FADS2: variants seen among roughly 807,000 people sequenced by gnomAD.
FADS2 encodes acyl-CoA 6-desaturase.
In FADS2, 18 loss-of-function variants were observed where a neutral mutation model predicts 61.2. The ratio of observed to expected loss-of-function variants is 0.29; its 90% confidence interval spans 0.20 to 0.44. The LOEUF (loss-of-function observed/expected upper bound fraction) is 0.44, where lower values mean the gene tolerates loss of function less well. FADS2 is among the 20% of genes least tolerant of loss of function. The pLI is 1.00. For synonymous variants in FADS2, 203 were observed against 223.9 expected (o/e 0.91, Z 0.83); for missense variants, 322 against 572.7 (o/e 0.56, Z 4.47).
intron 9 of FADS2, 147 bp from the exon 10 acceptor site, chr11:61,863,560 G>T (rs1432586725): frequency 2.6e-6 from 2 of 762,470 alleles, no homozygotes; most frequent in East Asian, 5.3e-5. Flanking sequence ...GACAGGTGGG[G>T]CATCTGGGTG....
intron 5 of FADS2, 91 bp downstream of exon 5, chr11:61,848,375 C>T: frequency 6.3e-7 from 1 of 1,583,996 alleles, no homozygotes. Flanking sequence ...TGGTGTTGAC[C>T]TAGGAAGTGT....
rs1272470824 is a variant in FADS2, at chr11:61,865,623, TC to T, written c.1284-11del. On this transcript the variant is annotated splice_polypyrimidine_tract_variant and intron_variant, in intron 11 of 11. Coordinates refer to ENST00000278840, the MANE Select transcript of FADS2 (RefSeq NM_004265.4). The surrounding 1 kb of genome is among the most constrained non-coding windows in gnomAD (Gnocchi z 4.1). ...CGTCCTGGTCCCTGACCCTGGTCCA[TC>T]CCCAACTTTGCAGGTCCCTGAAGAA... is the stretch of plus-strand genomic sequence containing the variant. The T allele has an allele frequency of 4.3e-6, 7 of 1,612,604 alleles. No homozygotes were observed.
At chr11:61,831,795 G>A (rs2067132003) in intron 1 of FADS2, among the ~76,000 whole-genome samples, 1 of 152,084 alleles carries the variant, frequency 6.6e-6, no homozygotes, top group Non-Finnish European at 1.5e-5. Context: ...TCCCCTCCCA[G>A]CTTCCTTCCC....
intron 1 of FADS2, among the ~76,000 whole-genome samples, 170 bp from the exon 2 acceptor site, chr11:61,837,608 G>A (rs1347665240): frequency 2.0e-5 from 3 of 152,224 alleles, no homozygotes; most frequent in East Asian, 1.9e-4. Flanking sequence ...GGCACTGAGG[G>A]CTCTGTCCTG....
intron 5 of FADS2, among the ~76,000 whole-genome samples, chr11:61,853,694 C>T (rs762060883): frequency 1.3e-5 from 2 of 152,092 alleles, no homozygotes; most frequent in South Asian, 2.1e-4. Flanking sequence ...CCACCCATCC[C>T]GCCTTGGGAC....
At chr11:61,861,371 A>AAAAAAAAAAC (rs1555078396) in intron 7 of FADS2, among the ~76,000 whole-genome samples, 235 of 106,410 alleles carry the variant, frequency 2.2e-3, no homozygotes, top group Non-Finnish European at 4.1e-3. Flanking sequence ...AAAAAAAAAA[A>AAAAAAAAAAC]CAGAAATTAG....
intron 1 of FADS2, among the ~76,000 whole-genome samples, chr11:61,819,801 G>T (rs2067023635): frequency 1.3e-5 from 2 of 151,832 alleles, no homozygotes; most frequent in Admixed American, 6.6e-5. Context: ...GTGCCATGTT[G>T]GTGTGCTGCA....
At chr11:61,853,954 G>C (rs2067332867) in intron 5 of FADS2, among the ~76,000 whole-genome samples, 1 of 152,150 alleles carries the variant, frequency 6.6e-6, no homozygotes, top group Non-Finnish European at 1.5e-5. Context: ...CCTCATCCAA[G>C]CCTGGCCTTG....
At chr11:61,860,526 C>T (rs1288740166) in intron 7 of FADS2, among the ~76,000 whole-genome samples, 4 of 152,250 alleles carry the variant, frequency 2.6e-5, no homozygotes, top group Non-Finnish European at 4.4e-5. Flanking sequence ...CTGGCTTCTT[C>T]CCAACCCCCT....
rs1297737026 is a variant in FADS2 at position 61,828,381 on chromosome 11, G to A, written c.-10G>A. ...CCGCAGTGCACGGGGCGTCACAGTC[G>A]GCAGGCAGCATGGGGAAGGGAGGGA... On this transcript the variant is annotated 5_prime_UTR_variant, in exon 1 of 12. Transcript: ENST00000278840. The surrounding 1 kb of genome is among the most constrained non-coding windows in gnomAD (Gnocchi z 6.4). 6.4e-7 allele frequency: 1 copy of A among 1,555,038 alleles called. No individual in the cohort carries two copies. The highest frequency in any genetic ancestry group is 8.7e-7 in the Non-Finnish European group (1 of 1,149,916).
At chr11:61,841,406 T>C (rs2067215600) in intron 4 of FADS2, among the ~76,000 whole-genome samples, 1 of 151,688 alleles carries the variant, frequency 6.6e-6, no homozygotes, top group African/African-American at 2.4e-5. Context: ...TGTGAGCTCT[T>C]TAATACGTTG....
At position 61,828,985 on chromosome 11, in the gene FADS2, C is replaced by T. The variant is rs903902607; in HGVS notation, c.207+388C>T. ...CCAGCGGGGAAGATGGCCGCCCCTGCGCGCCGCTGAAAGGAGCGGGAGCGC... is the reference window on the plus strand; with the variant it reads ...CCAGCGGGGAAGATGGCCGCCCCTGTGCGCCGCTGAAAGGAGCGGGAGCGC... On this transcript the variant is annotated intron_variant, in intron 1 of 11. Coordinates refer to ENST00000278840, the MANE Select transcript of FADS2 (RefSeq NM_004265.4). The surrounding 1 kb of genome is among the most constrained non-coding windows in gnomAD (Gnocchi z 6.4). Among the ~76,000 whole-genome samples the T allele has an allele frequency of 2.3e-4, 35 of 152,224 alleles. No homozygotes were observed. Among genetic ancestry groups the T allele is most frequent in the African/African-American group, 8.4e-4 (35 of 41,454 alleles).
At position 61,816,538 on chromosome 11, in the gene FADS2, C is replaced by G. The variant is rs756777034; in HGVS notation, c.141+112C>G. 1 of 1,597,802 alleles carries G rather than the reference C, an allele frequency of 6.3e-7. No individual in the cohort carries two copies. Among genetic ancestry groups the G allele is most frequent in the Non-Finnish European group, 8.5e-7 (1 of 1,173,604 alleles). Reference sequence around the variant, plus strand: ...CCGGTCCCGCCCTCTCCTGTGCCCCCGCCTGGCTGCGCTCACCGTGGCATC... The same window carrying G: ...CCGGTCCCGCCCTCTCCTGTGCCCCGGCCTGGCTGCGCTCACCGTGGCATC... On this transcript the variant is annotated intron_variant, in intron 1 of 11. Coordinates refer to the FADS2 transcript ENST00000257261. This position sits in a 1 kb window ranked among gnomAD's most constrained non-coding sequence, Gnocchi z 7.0.
chr11:61,824,502 G>GGAAA (rs1555073325), upstream of FADS2, among the ~76,000 whole-genome samples: 103 of 21,698 alleles, frequency 4.7e-3, 18 homozygotes, highest in African/African-American at 0.014. Context: ...AAGAAAGAAA[G>GGAAA]GAAAGAAAGA....
At chr11:61,863,506 G>A (rs1337740345) in intron 9 of FADS2, 128 bp downstream of exon 9, 1 of 815,516 alleles carries the variant, frequency 1.2e-6, no homozygotes, top group South Asian at 1.6e-5. Flanking sequence ...TTTGCTGGGA[G>A]CTTCAGGGCT....
intron 4 of FADS2, among the ~76,000 whole-genome samples, chr11:61,842,556 C>T (rs2067225401): frequency 6.6e-6 from 1 of 151,872 alleles, no homozygotes; most frequent in South Asian, 2.1e-4. Context: ...GCTGTTGCGT[C>T]AGGCGGGAGA....
chr11:61,840,782 A>AT, intron 4 of FADS2, 57 bp downstream of exon 4: 1 of 1,319,820 alleles, frequency 7.6e-7, no homozygotes. Context: ...AGACAGAGGG[A>AT]CCAGGATTCC....
upstream of FADS2, among the ~76,000 whole-genome samples, chr11:61,824,394 A>AAGAG (rs1193068439): frequency 1.2e-4 from 2 of 17,386 alleles, no homozygotes; most frequent in African/African-American, 4.1e-4. Flanking sequence ...GGGAAAAAAA[A>AAGAG]AGAGAGAGAG....
Position 61,848,232 on chromosome 11 carries a change from C to G in FADS2, c.692C>G (p.Pro231Arg), listed in dbSNP as rs1228647683. 6.2e-7 allele frequency: 1 copy of G among 1,614,118 alleles called. No individual in the cohort carries two copies. The highest frequency in any genetic ancestry group is 1.3e-5 in the African/African-American group (1 of 74,934). The change falls in exon 5 of 12, where the codon CCC becomes CGC. Residue 231 changes from proline (P) to arginine (R), a missense_variant. By Grantham distance (103) the Pro-to-Arg change is moderately radical. Coordinates refer to ENST00000278840, the MANE Select transcript of FADS2 (RefSeq NM_004265.4). ...AAGCCTAACATCTTCCACAAGGATC[C>G]CGATGTGAACATGCTGCACGTGTTT... ...HAKPNIFHKD[P>R]DVNMLHVFVL...
Sources: gnomAD v4.1 joint callset for allele counts (sites outside exome capture counted in the v4.1 genomes callset) on GRCh38, gnomAD v4.1.1 for gene constraint, Gnocchi (gnomAD v3.1) non-coding constraint, MANE v1.5 for transcripts, NCBI Gene and HGNC (gene_info 2026-07-23, HGNC 2026-07-21) for gene names.